The following RALB variants were observed in gnomAD, a reference collection of about 807,000 sequenced individuals.
The protein encoded by RALB is ras-related protein Ral-B.
RALB carries 16 observed loss-of-function variants against 21.3 expected under a neutral mutation model. The observed-to-expected ratio is 0.75, with a 90% confidence interval of 0.51 to 1.14. The LOEUF is 1.14. Among genes scored for constraint, RALB ranks in the 50% most tolerant of loss-of-function variants. RALB has a pLI of 0.00. For missense variants in RALB, 161 were observed against 256.2 expected (o/e 0.63, Z 2.54); for synonymous variants, 93 against 96.1 (o/e 0.97, Z 0.19).
Position 120,281,398 on chromosome 2 carries a change from G to A in RALB, c.114+2620G>A, listed in dbSNP as rs188268866. Among the ~76,000 whole-genome samples, 6 of 152,304 alleles carry A rather than the reference G, an allele frequency of 3.9e-5. No homozygotes were observed. The East Asian group carries it at 7.7e-4, about 20-fold the overall frequency. On this transcript the variant is annotated intron_variant, in intron 2 of 4. Transcript: ENST00000272519. The stretch of plus-strand genomic sequence containing the variant: ...CCCTTCGCCTCACTGAGAGTCACCC[G>A]GGGGTGAGATCGCTGGAGTACTCAT...
intron 4 of RALB, 33 bp from the exon 5 acceptor site, chr2:120,293,108 C>G: frequency 7.1e-6 from 11 of 1,556,384 alleles, no homozygotes; most frequent in Non-Finnish European, 8.6e-6. Flanking sequence ...TCTTTCTTCA[C>G]TATTCTTTTT....
chr2:120,250,053 C>T (rs930247115), upstream of RALB, among the ~76,000 whole-genome samples: 2 of 152,204 alleles, frequency 1.3e-5, no homozygotes, highest in African/African-American at 4.8e-5. Flanking sequence ...TGTCACTTCC[C>T]AAGAGAGATC....
chr2:120,276,878 C>T (rs902525517), intron 1 of RALB, among the ~76,000 whole-genome samples: 1 of 152,150 alleles, frequency 6.6e-6, no homozygotes, highest in Non-Finnish European at 1.5e-5. Flanking sequence ...TCTAGGGTCA[C>T]GCAGCTCACA....
intron 1 of RALB, among the ~76,000 whole-genome samples, chr2:120,269,469 C>A (rs553884530): frequency 6.7e-6 from 1 of 149,724 alleles, no homozygotes; most frequent in African/African-American, 2.5e-5. Flanking sequence ...TTTGGCCACA[C>A]CCATGTCCTG....
chr2:120,262,762 C>T (rs1428497575), intron 1 of RALB, among the ~76,000 whole-genome samples: 3 of 152,162 alleles, frequency 2.0e-5, no homozygotes. Context: ...CAGGGACATC[C>T]TGAAATGCCC....
chr2:120,258,489 G>A (rs1689253161), intron 1 of RALB, among the ~76,000 whole-genome samples: 15 of 152,232 alleles, frequency 9.9e-5, no homozygotes, highest in Admixed American at 9.2e-4. Flanking sequence ...GGAGGCCACG[G>A]CCAGTGGAGG....
intron 1 of RALB, among the ~76,000 whole-genome samples, chr2:120,277,873 G>A (rs568394246): frequency 1.3e-5 from 1 of 75,962 alleles, no homozygotes; most frequent in Non-Finnish European, 2.9e-5. Context: ...GTGAATGTGA[G>A]AACATGAGTG....
upstream of RALB, among the ~76,000 whole-genome samples, chr2:120,250,527 G>T (rs1573317794): frequency 6.6e-6 from 1 of 152,242 alleles, no homozygotes; most frequent in Admixed American, 6.5e-5. Context: ...GAGAGGAGTA[G>T]AAATGTTTGT....
intron 1 of RALB, among the ~76,000 whole-genome samples, chr2:120,261,133 T>C (rs1482701814): frequency 6.6e-6 from 1 of 152,106 alleles, no homozygotes; most frequent in Admixed American, 6.5e-5. Context: ...ATAGAGGAAT[T>C]GTGTCATTAG....
At chr2:120,278,093 A>G (rs539585399) in intron 1 of RALB, among the ~76,000 whole-genome samples, 4 of 149,754 alleles carry the variant, frequency 2.7e-5, no homozygotes, top group African/African-American at 9.8e-5. Flanking sequence ...GAATGTGGGC[A>G]TGTGTGAGTG....
At chr2:120,260,721 C>A (rs1169885882) in intron 1 of RALB, among the ~76,000 whole-genome samples, 4 of 152,242 alleles carry the variant, frequency 2.6e-5, no homozygotes, top group Non-Finnish European at 5.9e-5. Flanking sequence ...GGAAGGGGCC[C>A]TATACAGGCC....
chr2:120,240,211 G>A (rs964544469), intron 1 of RALB: 7 of 1,250,158 alleles, frequency 5.6e-6, no homozygotes, highest in Admixed American at 2.3e-5. Flanking sequence ...ATTTGCCAAA[G>A]GAAGCTCAGA....
At chr2:120,244,001 A>G (rs1206191161) in intron 1 of RALB, among the ~76,000 whole-genome samples, 1 of 152,152 alleles carries the variant, frequency 6.6e-6, no homozygotes, top group Non-Finnish European at 1.5e-5. Context: ...CTGTACAGGA[A>G]CTATGGCTGG....
intron 1 of RALB, chr2:120,253,499 C>G: frequency 3.0e-6 from 3 of 985,830 alleles, no homozygotes; most frequent in Non-Finnish European, 3.6e-6. Flanking sequence ...CTCCCCCAGC[C>G]TCCTCCCCTT....
chr2:120,252,643 C>G, upstream of RALB: 3 of 302,856 alleles, frequency 9.9e-6, no homozygotes, highest in Non-Finnish European at 1.5e-5. Flanking sequence ...ACGGGGCAGG[C>G]GCGCTGGGCC....
intron 1 of RALB, among the ~76,000 whole-genome samples, 173 bp from the exon 2 acceptor site, chr2:120,278,445 A>G (rs764480424): frequency 6.6e-6 from 1 of 152,312 alleles, no homozygotes; most frequent in African/African-American, 2.4e-5. Flanking sequence ...GTGCTGGGGT[A>G]AGTGACTTCC....
At position 120,293,510 on chromosome 2, in the gene RALB, C is replaced by G; in HGVS notation, c.*250C>G. On this transcript the variant is annotated 3_prime_UTR_variant, in exon 5 of 5. Coordinates refer to ENST00000272519, the MANE Select transcript of RALB (RefSeq NM_002881.3). ...TTCTCCCCTTCTTCCCTCCCAAAAG[C>G]TTAGCTATGTATAAAGTGCCACAGA... The G allele has an allele frequency of 3.7e-6, 1 of 267,790 alleles. No individual in the cohort carries two copies. 16.6% of individuals were successfully genotyped at this position (267,790 alleles called of 1,614,324 possible). A position where few individuals can be genotyped will look rare whatever the true frequency, so the allele number is the denominator to read the frequency against.
At chr2:120,256,647 CG>C (rs1689206994) in intron 1 of RALB, among the ~76,000 whole-genome samples, 1 of 152,140 alleles carries the variant, frequency 6.6e-6, no homozygotes, top group African/African-American at 2.4e-5. Flanking sequence ...CCCAGCCCTG[CG>C]GAACTGTGAG....
chr2:120,289,657 A>T lies in RALB; in HGVS notation c.401A>T (p.Glu134Val), dbSNP rs1690260474. 6.2e-7 allele frequency: 1 copy of T among 1,614,082 alleles called. No individual in the cohort carries two copies. The highest frequency in any genetic ancestry group is 1.7e-5 in the Admixed American group (1 of 60,010). The change falls in exon 4 of 5, where the codon GAG becomes GTG. Residue 134 changes from glutamate to valine, a missense_variant. Glu to Val is a moderately radical substitution (Grantham distance 121). Transcript: ENST00000272519. ...LVVGNKSDLE[E>V]RRQVPVEEAR... is the part of the protein sequence containing the mutation. Reference sequence around the variant, plus strand: ...GTGGGAAACAAGTCTGACCTAGAGGAGCGGAGGCAGGTGCCTGTGGAGGAG... The same window carrying T: ...GTGGGAAACAAGTCTGACCTAGAGGTGCGGAGGCAGGTGCCTGTGGAGGAG...
Sources: gnomAD v4.1 joint callset for allele counts (sites outside exome capture counted in the v4.1 genomes callset) on GRCh38, gnomAD v4.1.1 for gene constraint, MANE v1.5 for transcripts, NCBI Gene and HGNC (gene_info 2026-07-23, HGNC 2026-07-21) for gene names.